SPAG17: variants seen among roughly 807,000 people sequenced by gnomAD.
SPAG17 encodes sperm associated antigen 17, also known as sperm-associated antigen 17.
SPAG17 carries 169 observed loss-of-function variants against 273.6 expected under a neutral mutation model. The observed-to-expected ratio is 0.62, with a 90% CI of 0.55 to 0.70. The LOEUF is 0.70. SPAG17 is among the 30% of genes least tolerant of loss of function. SPAG17 has a pLI of 0.00. For missense variants in SPAG17, 2,557 were observed against 2,627.8 expected (o/e 0.97, Z 0.59); for synonymous variants, 825 against 873.2 (o/e 0.94, Z 0.97).
At chr1:117,957,330 A>G in intron 48 of SPAG17, 1 of 1,146,610 alleles carries the variant, frequency 8.7e-7, no homozygotes, top group East Asian at 2.7e-5. Context: ...TAATCCCAGC[A>G]CTTTGGGAGG....
intron 31 of SPAG17, among the ~76,000 whole-genome samples, chr1:118,006,908 T>C (rs1571220243): frequency 6.6e-6 from 1 of 152,348 alleles, no homozygotes; most frequent in East Asian, 1.9e-4. Flanking sequence ...TTGCATATCT[T>C]TGGAGAAATT....
rs1571151467 is a variant in SPAG17, at chr1:117,985,926, C to T, written c.5670-1144G>A. Among the ~76,000 whole-genome samples, 3 of 152,286 alleles carry T rather than the reference C, an allele frequency of 2.0e-5. 1 individual carries two copies. In the South Asian group the frequency reaches 6.2e-4, roughly 32 times the overall value. Reference sequence around the variant, plus strand: ...CAAACCCATGGTCTTGACAACTGCACATGCTAGTCAGCCGTCAGTCCCCCA... The same window carrying T: ...CAAACCCATGGTCTTGACAACTGCATATGCTAGTCAGCCGTCAGTCCCCCA... On this transcript the variant is annotated intron_variant, in intron 40 of 48. Coordinates refer to ENST00000336338, the MANE Select transcript of SPAG17 (RefSeq NM_206996.4).
intron 1 of SPAG17, among the ~76,000 whole-genome samples, chr1:118,176,983 A>C (rs1265425426): frequency 1.3e-5 from 2 of 152,196 alleles, no homozygotes; most frequent in Non-Finnish European, 2.9e-5. Context: ...AGAACATTAA[A>C]AAATTTCTTG....
intron 5 of SPAG17, among the ~76,000 whole-genome samples, chr1:118,100,157 T>C (rs1655971374): frequency 6.6e-6 from 1 of 152,182 alleles, no homozygotes; most frequent in African/African-American, 2.4e-5. Flanking sequence ...ACATCTGGCT[T>C]TACTCCTGAA....
At chr1:118,103,677 T>C (rs998224399) in intron 4 of SPAG17, among the ~76,000 whole-genome samples, 2 of 152,074 alleles carry the variant, frequency 1.3e-5, no homozygotes, top group Non-Finnish European at 2.9e-5. Context: ...AAAATGTAAC[T>C]ATAAATTTTC....
intron 38 of SPAG17, among the ~76,000 whole-genome samples, chr1:117,990,326 C>T (rs12088473): frequency 0.11 from 16,716 of 152,136 alleles, 2,584 homozygotes; most frequent in African/African-American, 0.35. Context: ...AAAACAAAAA[C>T]GCACCAAATT....
chr1:118,118,008 T>A (rs1657193021), intron 3 of SPAG17, among the ~76,000 whole-genome samples: 1 of 152,244 alleles, frequency 6.6e-6, no homozygotes, highest in South Asian at 2.1e-4. Flanking sequence ...GTTTACAAAT[T>A]AATTTCATTT....
Position 118,040,837 on chromosome 1 carries a change from T to G in SPAG17, c.3059A>C (p.His1020Pro). ...QPEPKITYPF[H>P]GYNMGNIPTQ... ...GGGTATATTTCCCATATTGTATCCG[T>G]GAAACTAGAAGAGAAAATATTATGC... The change falls in exon 22 of 49, where the codon CAC becomes CCC. Residue 1020 changes from histidine (H) to proline (P), a missense_variant. His to Pro is a moderately conservative substitution (Grantham distance 77, BLOSUM62 -2). Coordinates refer to ENST00000336338, the MANE Select transcript of SPAG17 (RefSeq NM_206996.4). The G allele has an allele frequency of 3.2e-6, 5 of 1,551,654 alleles. No individual in the cohort carries two copies. Among genetic ancestry groups the G allele is most frequent in the Non-Finnish European group, 4.5e-6 (5 of 1,122,610 alleles).
chr1:118,178,439 T>C (rs1660793885), intron 1 of SPAG17, among the ~76,000 whole-genome samples: 1 of 151,896 alleles, frequency 6.6e-6, no homozygotes, highest in Non-Finnish European at 1.5e-5. Context: ...AGAAGAAACA[T>C]ACCTCAAATG....
chr1:117,969,268 C>A (rs776796526), intron 46 of SPAG17, among the ~76,000 whole-genome samples: 1 of 151,768 alleles, frequency 6.6e-6, no homozygotes, highest in Non-Finnish European at 1.5e-5. Flanking sequence ...AGAAATGAGG[C>A]AATTGATGAG....
intron 8 of SPAG17, among the ~76,000 whole-genome samples, chr1:118,092,415 C>T (rs975372292): frequency 6.6e-6 from 1 of 152,156 alleles, no homozygotes; most frequent in Non-Finnish European, 1.5e-5. Context: ...CTGGCTCCTG[C>T]CTCTCCAGGT....
chr1:117,966,613 T>C lies in SPAG17; in HGVS notation c.6528A>G (p.Glu2176=). The change falls in exon 47 of 49, where the codon GAA becomes GAG. Residue 2176 remains glutamate (E), a synonymous_variant. Transcript: ENST00000336338. ...TEHEVLFLPV[E]ATVLTSSNYD... is the part of the protein sequence containing the mutation. ...AAGTTGAACTTTAAAGGATATTTGC[T>C]TCCACAGGTAGGAACAGAACCTCAT... is the stretch of plus-strand genomic sequence containing the variant. The C allele has an allele frequency of 6.2e-7, 1 of 1,604,502 alleles. No homozygotes were observed. Among genetic ancestry groups the C allele is most frequent in the Admixed American group, 1.7e-5 (1 of 57,376 alleles).
chr1:118,059,440 G>A (rs1652039955), intron 18 of SPAG17, among the ~76,000 whole-genome samples: 1 of 151,886 alleles, frequency 6.6e-6, no homozygotes, highest in South Asian at 2.1e-4. Context: ...TACACACTGT[G>A]GAATGGCTAA....
intron 3 of SPAG17, among the ~76,000 whole-genome samples, chr1:118,136,964 C>T (rs1231225016): frequency 6.6e-6 from 1 of 152,164 alleles, no homozygotes; most frequent in Non-Finnish European, 1.5e-5. Context: ...TCAAAGCAGA[C>T]ATTTTACTGG....
In SPAG17 at chr1:118,091,625, A is replaced by G; in HGVS notation, c.1340T>C (p.Leu447Pro). The change falls in exon 10 of 49, where the codon CTG becomes CCG. Residue 447 changes from leucine to proline, a missense_variant. By Grantham distance (98) the Leu-to-Pro change is moderately conservative. Transcript: ENST00000336338. Reference sequence around the variant, plus strand: ...CCCCACCTGTTCCAGCATACAATGCAGTATCAGGGGCACAGAAATGAATTC... The same window carrying G: ...CCCCACCTGTTCCAGCATACAATGCGGTATCAGGGGCACAGAAATGAATTC... The part of the protein sequence containing the change: ...REEFISVPLI[L>P]HCMLEQVVAT... 1 of 1,606,086 alleles carries G rather than the reference A, an allele frequency of 6.2e-7. No individual in the cohort carries two copies. The highest frequency in any genetic ancestry group is 8.5e-7 in the Non-Finnish European group (1 of 1,172,984).
intron 48 of SPAG17, chr1:117,957,337 G>A: frequency 4.6e-6 from 5 of 1,097,958 alleles, no homozygotes; most frequent in Non-Finnish European, 6.2e-6. Flanking sequence ...AGCACTTTGG[G>A]AGGCTGAGGT....
chr1:118,164,730 C>T (rs555053523), intron 1 of SPAG17, among the ~76,000 whole-genome samples: 147 of 152,316 alleles, frequency 9.7e-4, no homozygotes, highest in African/African-American at 3.2e-3. Context: ...ATTCAAAGCC[C>T]TTTACATTCT....
intron 17 of SPAG17, among the ~76,000 whole-genome samples, chr1:118,071,703 C>T (rs1033447344): frequency 2.0e-5 from 3 of 151,220 alleles, no homozygotes; most frequent in Admixed American, 2.0e-4. Flanking sequence ...ATAAATATAA[C>T]TTTAGGAAAT....
chr1:118,102,686 C>T (rs566394525), intron 4 of SPAG17, among the ~76,000 whole-genome samples: 3 of 152,314 alleles, frequency 2.0e-5, no homozygotes, highest in Admixed American at 1.3e-4. Flanking sequence ...TTCTTTCTTT[C>T]CCAACAGTTG....
Sources: allele counts gnomAD v4.1 joint callset (sites outside exome capture counted in the v4.1 genomes callset), GRCh38; gene constraint gnomAD v4.1.1; transcripts MANE v1.5; gene names NCBI Gene and HGNC (gene_info 2026-07-23, HGNC 2026-07-21).